The following TMEM272 variants were observed in gnomAD, a reference collection of about 807,000 sequenced individuals.
The protein encoded by TMEM272 is long intergenic non-protein coding RNA 282.
Under a neutral mutation model 3.7 loss-of-function variants are expected in TMEM272, and 8 were observed. That is an observed-to-expected ratio of 2.17 (90% CI 1.27 to 3.91). The LOEUF (loss-of-function observed/expected upper bound fraction) is 3.91, where lower values mean the gene tolerates loss of function less well. Among genes scored for constraint, TMEM272 ranks in the 30% most tolerant of loss-of-function variants. The pLI, the probability that TMEM272 is intolerant of heterozygous loss-of-function variation, is 0.00. For missense variants in TMEM272, 166 were observed against 91.5 expected, an observed-to-expected ratio of 1.81 and a Z score of -3.32; for synonymous variants, 63 against 39.8, an observed-to-expected ratio of 1.58 and a Z score of -2.20.
chr13:51,827,342 C>A (rs758143824), intron 2 of TMEM272, among the ~76,000 whole-genome samples: 3 of 152,196 alleles, frequency 2.0e-5, no homozygotes, highest in Non-Finnish European at 4.4e-5. Context: ...CGTTGACATC[C>A]GGAAGCCGTT....
the TMEM272 span, chr13:51,909,986 C>A: frequency 6.4e-7 from 1 of 1,571,632 alleles, no homozygotes; most frequent in East Asian, 2.2e-5. Flanking sequence ...AATTTTCACT[C>A]GAAGCATCTT....
At chr13:51,876,307 T>C in the TMEM272 span, among the ~76,000 whole-genome samples, 2 of 152,266 alleles carry the variant, frequency 1.3e-5, no homozygotes, top group Non-Finnish European at 2.9e-5. Context: ...CAGACCACTA[T>C]ATGGCCCCTG....
At chr13:51,851,926 T>C in the TMEM272 span, among the ~76,000 whole-genome samples, 1 of 152,244 alleles carries the variant, frequency 6.6e-6, no homozygotes, top group Non-Finnish European at 1.5e-5. Flanking sequence ...TCCAATCTTT[T>C]GGAATTACAA....
chr13:51,933,586 G>C, the TMEM272 span: 6 of 152,230 alleles, frequency 3.9e-5, no homozygotes, highest in Non-Finnish European at 8.8e-5. Context: ...CAGGTAAACA[G>C]ATGCTCCCTT....
the TMEM272 span, among the ~76,000 whole-genome samples, chr13:51,900,690 A>C: frequency 6.9e-6 from 1 of 145,846 alleles, no homozygotes; most frequent in East Asian, 1.9e-4. Flanking sequence ...CATAGTAGCC[A>C]AAAAAAAATG....
the TMEM272 span, chr13:51,910,714 TCAAATCTGCGCCAGG>T: frequency 1.5e-5 from 6 of 390,682 alleles, no homozygotes; most frequent in South Asian, 8.6e-5. Flanking sequence ...TGTTCGGAAC[TCAAATCTGCGCCAGG>T]CAACCGGAGC....
the TMEM272 span, among the ~76,000 whole-genome samples, chr13:51,882,030 A>G: frequency 6.6e-6 from 1 of 152,226 alleles, no homozygotes; most frequent in African/African-American, 2.4e-5. Context: ...AACGATAAAG[A>G]AAAATTTATT....
At chr13:51,833,933 G>A (rs1956193666) in intron 2 of TMEM272, among the ~76,000 whole-genome samples, 1 of 152,136 alleles carries the variant, frequency 6.6e-6, no homozygotes, top group African/African-American at 2.4e-5. Flanking sequence ...CAAAGAGGAG[G>A]AGCAATGAAG....
chr13:51,932,998 A>G, the TMEM272 span: 1 of 152,164 alleles, frequency 6.6e-6, no homozygotes, highest in African/African-American at 2.4e-5. Context: ...CAAGGAAAAC[A>G]CAATCAACAG....
At chr13:51,914,099 T>C in the TMEM272 span, among the ~76,000 whole-genome samples, 4 of 152,218 alleles carry the variant, frequency 2.6e-5, no homozygotes, top group Admixed American at 2.0e-4. Context: ...AGTTTCTTCT[T>C]CACACACATT....
chr13:51,888,639 C>CTTT, the TMEM272 span, among the ~76,000 whole-genome samples: 55 of 76,734 alleles, frequency 7.2e-4, 1 homozygote, highest in African/African-American at 1.1e-3. Context: ...TTTTCTTTTT[C>CTTT]TTTTTTTTTT....
At chr13:51,857,080 T>C in the TMEM272 span, among the ~76,000 whole-genome samples, 1 of 152,154 alleles carries the variant, frequency 6.6e-6, no homozygotes, top group African/African-American at 2.4e-5. Context: ...TTGTTATCAA[T>C]TGTTTACAGA....
chr13:51,825,770 G>C (rs971704365), intron 3 of TMEM272, among the ~76,000 whole-genome samples: 2 of 151,596 alleles, frequency 1.3e-5, no homozygotes, highest in African/African-American at 2.4e-5. Flanking sequence ...TAATTTTTAA[G>C]TCAAGACTTG....
chr13:51,842,448 G>C (rs1393925918), intron 1 of TMEM272, among the ~76,000 whole-genome samples: 2 of 152,174 alleles, frequency 1.3e-5, no homozygotes. Context: ...GTCCACCAGG[G>C]AGCAGACACA....
upstream of TMEM272, among the ~76,000 whole-genome samples, chr13:51,847,093 C>T (rs886918312): frequency 2.0e-5 from 3 of 152,146 alleles, no homozygotes; most frequent in Admixed American, 2.0e-4. Flanking sequence ...TGTTTAGATA[C>T]ACAAATACTA....
chr13:51,816,905 G>T lies in TMEM272; in HGVS notation c.410C>A (p.Pro137His), dbSNP rs745647162. 5.7e-6 allele frequency: 4 copies of T among 702,956 alleles called. No homozygotes were observed. In the South Asian group the frequency reaches 5.9e-5, roughly 10 times the overall value. 43.5% of individuals were successfully genotyped at this position (702,956 alleles called of 1,614,324 possible). ...ACAGTAGTCCTGAGGCTGCTGGAAA[G>T]GGGGAAGAAAATCAGGCAGGTACAC... ...FSVYLPDFLP[P>H]FQQPQDYCDK... Residue 137 changes from proline to histidine, a missense_variant, in exon 5 of 5, where the codon CCT becomes CAT. Coordinates refer to ENST00000629372, the MANE Select transcript of TMEM272 (RefSeq NM_001351003.2).
At chr13:51,860,818 A>AGAGTGTGT in the TMEM272 span, among the ~76,000 whole-genome samples, 1 of 144,200 alleles carries the variant, frequency 6.9e-6, no homozygotes, top group African/African-American at 2.6e-5. Flanking sequence ...TATATATAGA[A>AGAGTGTGT]GTGTGTGTGT....
chr13:51,822,143 T>C lies in TMEM272; in HGVS notation c.119-6A>G. On this transcript the variant is annotated splice_region_variant and splice_polypyrimidine_tract_variant and intron_variant, in intron 3 of 4. Coordinates refer to ENST00000629372, the MANE Select transcript of TMEM272 (RefSeq NM_001351003.2). ...GTCCTCCAAAAATTTCATTCCTACA[T>C]AGGGCAAACAGAAGAGGATTGAGAG... 2.9e-6 allele frequency: 2 copies of C among 695,142 alleles called. No individual in the cohort carries two copies. The highest frequency in any genetic ancestry group is 1.8e-5 in the African/African-American group (1 of 56,694). The allele number at this position is 695,142 out of a possible 1,614,324, so 43.1% of individuals were successfully genotyped here.
At chr13:51,824,877 G>GGGTAGGCAGAGGGTGC (rs1279068057) in intron 3 of TMEM272, among the ~76,000 whole-genome samples, 1 of 152,194 alleles carries the variant, frequency 6.6e-6, no homozygotes, top group Non-Finnish European at 1.5e-5. Flanking sequence ...CACTTGAGCC[G>GGGTAGGCAGAGGGTGC]GGTAGGCAGA....
Sources: allele counts gnomAD v4.1 joint callset (sites outside exome capture counted in the v4.1 genomes callset), GRCh38; gene constraint gnomAD v4.1.1; transcripts MANE v1.5; gene names NCBI Gene and HGNC (gene_info 2026-07-23, HGNC 2026-07-21).